FAT3: variants seen among roughly 807,000 people sequenced by gnomAD.
FAT3 encodes protocadherin Fat 3.
FAT3 carries 95 observed loss-of-function variants against 310.2 expected under a neutral mutation model. The ratio of observed to expected loss-of-function variants is 0.31; its 90% CI spans 0.26 to 0.36. FAT3 has a LOEUF of 0.36. Among genes scored for constraint, FAT3 ranks in the 10% least tolerant of loss-of-function variants. The probability of loss-of-function intolerance (pLI) is 1.00; values close to 1 mark genes in which losing one functional copy is unlikely to be tolerated. For missense variants in FAT3, 5,408 were observed against 5,715.6 expected (o/e 0.95, Z 1.74); for synonymous variants, 2,314 against 2,192.9 (o/e 1.06, Z -1.54).
chr11:92,239,096 A>G (rs1276302117), intron 1 of FAT3, among the ~76,000 whole-genome samples: 4 of 152,138 alleles, frequency 2.6e-5, no homozygotes, highest in East Asian at 1.9e-4. Context: ...GTATTTCTCT[A>G]CTAAAGAAAT....
At chr11:92,550,109 A>G (rs1045722240) in intron 3 of FAT3, among the ~76,000 whole-genome samples, 1 of 152,210 alleles carries the variant, frequency 6.6e-6, no homozygotes. Context: ...TCAAGAATTA[A>G]AAGCCAATTT....
rs2134639446 is a variant in FAT3 at position 92,353,866 on chromosome 11, G to C, written c.1754G>C (p.Gly585Ala). Residue 585 changes from glycine to alanine, a missense_variant, in exon 2 of 28, where the codon GGA becomes GCA. Coordinates refer to ENST00000525166, the MANE Select transcript of FAT3 (RefSeq NM_001367949.2). ...SPLFEKVACQ[G>A]VISYDFPVGG... The stretch of plus-strand genomic sequence containing the variant: ...CTCTTTGAAAAAGTGGCTTGCCAGG[G>C]AGTTATTTCATATGACTTTCCAGTT... 6.2e-7 allele frequency: 1 copy of C among 1,613,562 alleles called. No homozygotes were observed. The highest frequency in any genetic ancestry group is 1.3e-5 in the African/African-American group (1 of 75,042).
intron 3 of FAT3, among the ~76,000 whole-genome samples, chr11:92,563,302 G>C (rs1366218198): frequency 6.6e-6 from 1 of 152,002 alleles, no homozygotes; most frequent in African/African-American, 2.4e-5. Flanking sequence ...TAAGAGGGAG[G>C]GACTGTAAGT....
At chr11:92,671,090 G>T (rs1943115549) in intron 3 of FAT3, among the ~76,000 whole-genome samples, 1 of 151,862 alleles carries the variant, frequency 6.6e-6, no homozygotes, top group African/African-American at 2.4e-5. Context: ...TGTCATCCAG[G>T]CTGGAGTGCG....
chr11:92,335,930 C>A, intron 1 of FAT3: 1 of 357,658 alleles, frequency 2.8e-6, no homozygotes, highest in South Asian at 2.5e-5. Flanking sequence ...TGCATTGACT[C>A]CTATGGATTT....
At chr11:92,571,698 T>G (rs1955668892) in intron 3 of FAT3, among the ~76,000 whole-genome samples, 1 of 152,202 alleles carries the variant, frequency 6.6e-6, no homozygotes, top group African/African-American at 2.4e-5. Flanking sequence ...CTTCTTTCTC[T>G]CTGTATGTGT....
At chr11:92,297,809 G>A (rs1360552800) in intron 1 of FAT3, among the ~76,000 whole-genome samples, 1 of 152,138 alleles carries the variant, frequency 6.6e-6, no homozygotes, top group East Asian at 1.9e-4. Flanking sequence ...GACTCTGTGA[G>A]GATGCAGAAT....
chr11:92,636,705 C>T (rs972029402), intron 3 of FAT3, among the ~76,000 whole-genome samples: 8 of 152,246 alleles, frequency 5.3e-5, no homozygotes, highest in African/African-American at 1.9e-4. Context: ...TCTGCTTTCA[C>T]TGGGCTTCAG....
At chr11:92,468,918 T>C (rs539245154) in intron 2 of FAT3, among the ~76,000 whole-genome samples, 4 of 152,268 alleles carry the variant, frequency 2.6e-5, no homozygotes, top group African/African-American at 9.6e-5. Flanking sequence ...CCTGTGCCAA[T>C]CTCTATAAAT....
chr11:92,514,451 A>G (rs1398505273), intron 2 of FAT3, among the ~76,000 whole-genome samples: 1 of 152,210 alleles, frequency 6.6e-6, no homozygotes, highest in African/African-American at 2.4e-5. Flanking sequence ...TCTCAACATA[A>G]TCCACCTTGA....
intron 3 of FAT3, among the ~76,000 whole-genome samples, chr11:92,562,365 A>G (rs1955257678): frequency 6.6e-6 from 1 of 152,088 alleles, no homozygotes; most frequent in African/African-American, 2.4e-5. Context: ...TCCCTTGCAT[A>G]TAGAAGGCCA....
At position 92,867,087 on chromosome 11, in the gene FAT3, G is replaced by A. The variant is rs1227402217; in HGVS notation, c.12005G>A (p.Arg4002His). 1.3e-6 allele frequency: 2 copies of A among 1,596,240 alleles called. No homozygotes were observed. The highest frequency in any genetic ancestry group is 1.7e-4 in the Middle Eastern group (1 of 6,032). ...NNNELPLQNKRSSFAEVVGLT... is the reference protein window; with the variant it reads ...NNNELPLQNKHSSFAEVVGLT... ...AATGAGCTGCCGCTGCAGAACAAGC[G>A]CAGCAGCTTCGCGGAGGTGGTGGGC... is the stretch of plus-strand genomic sequence containing the variant. Residue 4002 changes from arginine (R) to histidine (H), a missense_variant, in exon 22 of 28, where the codon CGC (arginine) becomes CAC (histidine). Arg to His is a conservative substitution (Grantham distance 29). This residue lies in a region of FAT3 where 4,588 missense variants were observed against 4,809.8 expected (regional missense o/e 0.95). Transcript: ENST00000525166.
intron 6 of FAT3, among the ~76,000 whole-genome samples, chr11:92,773,085 G>A (rs1946498253): frequency 6.6e-6 from 1 of 152,098 alleles, no homozygotes; most frequent in Admixed American, 6.6e-5. Context: ...TAGAGCTTGT[G>A]AACATACACT....
At chr11:92,889,091 T>G (rs900833509) in intron 25 of FAT3, 98 bp from the exon 26 acceptor site, 23 of 598,994 alleles carry the variant, frequency 3.8e-5, no homozygotes, top group South Asian at 3.1e-4. Context: ...CCTTCATTGT[T>G]GCTGTTGTTG....
At chr11:92,737,095 G>A (rs939014249) in intron 4 of FAT3, among the ~76,000 whole-genome samples, 1 of 152,044 alleles carries the variant, frequency 6.6e-6, no homozygotes, top group African/African-American at 2.4e-5. Context: ...GTATTTAATT[G>A]CAACTTTCAG....
intron 2 of FAT3, among the ~76,000 whole-genome samples, chr11:92,396,555 A>G (rs774089822): frequency 2.6e-5 from 4 of 152,130 alleles, no homozygotes; most frequent in Non-Finnish European, 5.9e-5. Context: ...CTCCTGGCCC[A>G]TTGGTGGAGA....
intron 2 of FAT3, among the ~76,000 whole-genome samples, chr11:92,421,352 T>C (rs1191994967): frequency 6.6e-6 from 1 of 152,206 alleles, no homozygotes; most frequent in African/African-American, 2.4e-5. Flanking sequence ...GTTTTTATGG[T>C]CTGCAAAATT....
At chr11:92,875,432 T>C (rs1281532136) in intron 22 of FAT3, among the ~76,000 whole-genome samples, 2 of 151,034 alleles carry the variant, frequency 1.3e-5, no homozygotes, top group Non-Finnish European at 2.9e-5. Flanking sequence ...CACACCCACT[T>C]TGTGACCATG....
At chr11:92,740,593 T>A (rs1457717331) in intron 4 of FAT3, among the ~76,000 whole-genome samples, 1 of 152,206 alleles carries the variant, frequency 6.6e-6, no homozygotes, top group Non-Finnish European at 1.5e-5. Context: ...TAAAAAAAAT[T>A]CTTTTAGGAG....
Sources: gnomAD v4.1 joint callset for allele counts (sites outside exome capture counted in the v4.1 genomes callset) on GRCh38, gnomAD v4.1.1 for gene constraint, gnomAD v4.1.1 regional missense constraint, MANE v1.5 for transcripts, NCBI Gene and HGNC (gene_info 2026-07-23, HGNC 2026-07-21) for gene names.